Variants in TRIM71 observed in about 807,000 individuals in gnomAD.
TRIM71 encodes tripartite motif containing 71, also known as E3 ubiquitin-protein ligase TRIM71.
Under a neutral mutation model 61.2 loss-of-function variants are expected in TRIM71, and 9 were observed. The observed-to-expected ratio is 0.15, with a 90% CI of 0.09 to 0.26. The LOEUF (loss-of-function observed/expected upper bound fraction) is 0.26. Ranked by LOEUF, TRIM71 falls within the 10% of genes least tolerant of loss-of-function variation. The pLI is 1.00. For missense variants in TRIM71, 998 were observed against 1,238.7 expected (o/e 0.81, Z 2.92); for synonymous variants, 645 against 553.2 (o/e 1.17, Z -2.33).
At chr3:32,854,551 G>A (rs1489402022) in intron 1 of TRIM71, among the ~76,000 whole-genome samples, 1 of 152,138 alleles carries the variant, frequency 6.6e-6, no homozygotes, top group Non-Finnish European at 1.5e-5. Flanking sequence ...GTGCAGAACT[G>A]GAAGGAACCT....
chr3:32,849,359 TG>T (rs1324220951), intron 1 of TRIM71, among the ~76,000 whole-genome samples: 5 of 151,926 alleles, frequency 3.3e-5, no homozygotes, highest in African/African-American at 7.3e-5. Flanking sequence ...GGAGTTTTTT[TG>T]GTTTTTTTTT....
At chr3:32,849,931 A>G (rs13060342) in intron 1 of TRIM71, among the ~76,000 whole-genome samples, 52,859 of 152,180 alleles carry the variant, frequency 0.35, 10,635 homozygotes, top group Middle Eastern at 0.49. Context: ...GGTAGCTCCT[A>G]TCTAGCTCCT....
At chr3:32,869,560 T>TG (rs1403637603) in intron 1 of TRIM71, among the ~76,000 whole-genome samples, 12 of 152,270 alleles carry the variant, frequency 7.9e-5, no homozygotes, top group African/African-American at 2.9e-4. Context: ...TGTGCACACA[T>TG]GCGTGCACAC....
At chr3:32,842,192 CATT>C (rs1276454304) in intron 1 of TRIM71, among the ~76,000 whole-genome samples, 1 of 152,200 alleles carries the variant, frequency 6.6e-6, no homozygotes, top group African/African-American at 2.4e-5. Flanking sequence ...GCTGGGAAAA[CATT>C]GTCCGTTTTG....
Position 32,891,139 on chromosome 3 carries a change from C to G in TRIM71, c.1935C>G (p.Thr645=). 6.2e-7 allele frequency: 1 copy of G among 1,612,604 alleles called. No individual in the cohort carries two copies. Among genetic ancestry groups the G allele is most frequent in the Non-Finnish European group, 8.5e-7 (1 of 1,179,990 alleles). ...GCGCCTTCCACCACAAATTCGGCAC[C>G]CTGGGCTCCCGGCCTGGGCAGTTCG... ...PCGAFHHKFG[T]LGSRPGQFDR... The change falls in exon 4 of 4, where the codon ACC becomes ACG. Residue 645 remains threonine, a synonymous_variant. Transcript: ENST00000383763. This position sits in a 1 kb window ranked among gnomAD's most constrained non-coding sequence, Gnocchi z 8.2.
chr3:32,826,662 T>A (rs1400874849), intron 1 of TRIM71, among the ~76,000 whole-genome samples: 1 of 137,760 alleles, frequency 7.3e-6, no homozygotes, highest in African/African-American at 2.7e-5. Flanking sequence ...GTCAGGCTGG[T>A]CTCAAACTCC....
At chr3:32,825,196 A>G (rs1696186657) in intron 1 of TRIM71, among the ~76,000 whole-genome samples, 1 of 152,216 alleles carries the variant, frequency 6.6e-6, no homozygotes, top group African/African-American at 2.4e-5. Flanking sequence ...ATGTAAAATT[A>G]TGAGCATAAT....
chr3:32,890,368 G>A lies in TRIM71; in HGVS notation c.1164G>A (p.Lys388=), dbSNP rs895048757. 6.2e-7 allele frequency: 1 copy of A among 1,607,422 alleles called. No individual in the cohort carries two copies. Among genetic ancestry groups the A allele is most frequent in the African/African-American group, 1.3e-5 (1 of 74,808 alleles). ...RECELLWKVE[K]IRQVKAKSLY... The stretch of plus-strand genomic sequence containing the variant: ...CTTGCTTTTCCCTCCAGGTAGAAAA[G>A]ATCCGCCAGGTGAAAGCCAAGTCTC... Residue 388 remains lysine (K), a synonymous_variant, in exon 4 of 4, where the codon AAG becomes AAA. Coordinates refer to ENST00000383763, the MANE Select transcript of TRIM71 (RefSeq NM_001039111.3). This position sits in a 1 kb window ranked among gnomAD's most constrained non-coding sequence, Gnocchi z 6.2.
chr3:32,847,258 G>A (rs1405218421), intron 1 of TRIM71, among the ~76,000 whole-genome samples: 3 of 148,020 alleles, frequency 2.0e-5, no homozygotes, highest in African/African-American at 7.5e-5. Context: ...GTGCAATGGC[G>A]CAATCTCAGC....
At chr3:32,850,955 A>G (rs1407404482) in intron 1 of TRIM71, among the ~76,000 whole-genome samples, 1 of 152,230 alleles carries the variant, frequency 6.6e-6, no homozygotes, top group Non-Finnish European at 1.5e-5. Context: ...GGGTTTAAAT[A>G]GAAAAGGTGT....
In TRIM71 at chr3:32,891,195, C is replaced by T; in HGVS notation, c.1991C>T (p.Ser664Leu). The change falls in exon 4 of 4, where the codon TCA (serine) becomes TTA (leucine). Residue 664 changes from serine to leucine, a missense_variant. Physicochemically the swap from Ser to Leu is moderately radical, Grantham distance 145. Transcript: ENST00000383763. This position sits in a 1 kb window ranked among gnomAD's most constrained non-coding sequence, Gnocchi z 8.2. ...CCAGCCGGCGTGGCCTGTGACGCCT[C>T]ACGCAGGATCGTGGTGGCTGACAAG... ...DRPAGVACDASRRIVVADKDN... is the reference protein window; with the variant it reads ...DRPAGVACDALRRIVVADKDN... 2 of 1,613,614 alleles carry T rather than the reference C, an allele frequency of 1.2e-6. No individual in the cohort carries two copies. Among genetic ancestry groups the T allele is most frequent in the East Asian group, 4.5e-5 (2 of 44,878 alleles).
intron 1 of TRIM71, among the ~76,000 whole-genome samples, chr3:32,864,122 A>G (rs1696704356): frequency 6.6e-6 from 1 of 152,200 alleles, no homozygotes; most frequent in East Asian, 1.9e-4. Context: ...GCTGGAGTGC[A>G]GTGGAATGAT....
chr3:32,874,150 C>A (rs866004645), intron 2 of TRIM71, among the ~76,000 whole-genome samples, 165 bp downstream of exon 2: 5 of 152,080 alleles, frequency 3.3e-5, no homozygotes, highest in Admixed American at 2.0e-4. Context: ...GGGGTTCTGG[C>A]AGTCTCGTGA....
intron 3 of TRIM71, among the ~76,000 whole-genome samples, chr3:32,886,507 C>T (rs932653734): frequency 6.6e-6 from 1 of 152,114 alleles, no homozygotes; most frequent in Non-Finnish European, 1.5e-5. Context: ...CCTGTTGGAG[C>T]AGGAAAGAGT....
At chr3:32,871,201 C>T (rs1696791503) in intron 1 of TRIM71, among the ~76,000 whole-genome samples, 1 of 152,104 alleles carries the variant, frequency 6.6e-6, no homozygotes, top group Non-Finnish European at 1.5e-5. Flanking sequence ...GAAGCCCAGA[C>T]AGGTCAAGAG....
At chr3:32,849,639 C>T (rs1281712765) in intron 1 of TRIM71, among the ~76,000 whole-genome samples, 2 of 151,484 alleles carry the variant, frequency 1.3e-5, no homozygotes, top group East Asian at 3.9e-4. Flanking sequence ...GATTTACAGG[C>T]GTGAGCCTGG....
At chr3:32,873,669 AC>A (rs1376324834) in intron 1 of TRIM71, 148 bp from the exon 2 acceptor site, 11 of 646,684 alleles carry the variant, frequency 1.7e-5, no homozygotes, top group Non-Finnish European at 2.5e-5. Flanking sequence ...GTTTGCAGTT[AC>A]GCCACTGCTG....
intron 1 of TRIM71, among the ~76,000 whole-genome samples, chr3:32,846,214 TA>T (rs1412509788): frequency 1.3e-5 from 2 of 151,938 alleles, no homozygotes; most frequent in African/African-American, 4.8e-5. Context: ...TAGCTGGGAC[TA>T]CAGGCGCCTA....
At chr3:32,882,800 C>T (rs1696923990) in intron 2 of TRIM71, among the ~76,000 whole-genome samples, 1 of 152,154 alleles carries the variant, frequency 6.6e-6, no homozygotes, top group Non-Finnish European at 1.5e-5. Context: ...CCTCTGCCTC[C>T]CAGAGTGCTG....
Sources: gnomAD v4.1 joint callset for allele counts (sites outside exome capture counted in the v4.1 genomes callset) on GRCh38, gnomAD v4.1.1 for gene constraint, Gnocchi (gnomAD v3.1) non-coding constraint, MANE v1.5 for transcripts, NCBI Gene and HGNC (gene_info 2026-07-23, HGNC 2026-07-21) for gene names.